The following AGTPBP1 variants were observed in gnomAD, a reference collection of about 807,000 sequenced individuals.
The protein encoded by AGTPBP1 is ATP/GTP binding carboxypeptidase 1.
AGTPBP1 carries 70 observed loss-of-function variants against 143.9 expected under a neutral mutation model. That is an observed-to-expected ratio of 0.49 (90% CI 0.40 to 0.59). The LOEUF is 0.59. Among genes scored for constraint, AGTPBP1 ranks in the 20% least tolerant of loss-of-function variants. The probability of loss-of-function intolerance (pLI) is 0.00; values close to 1 mark genes in which losing one functional copy is unlikely to be tolerated. For missense variants in AGTPBP1, 1,229 were observed against 1,464.5 expected, an observed-to-expected ratio of 0.84 and a Z score of 2.62; for synonymous variants, 463 against 500.2, an observed-to-expected ratio of 0.93 and a Z score of 0.99.
At chr9:85,699,669 T>C (rs1364259815) in intron 2 of AGTPBP1, among the ~76,000 whole-genome samples, 1 of 151,796 alleles carries the variant, frequency 6.6e-6, no homozygotes, top group East Asian at 1.9e-4. Context: ...AGTAAAACAA[T>C]TTCAAACAAT....
At chr9:85,770,754 CA>C in the AGTPBP1 span, among the ~76,000 whole-genome samples, 1 of 151,800 alleles carries the variant, frequency 6.6e-6, no homozygotes. Flanking sequence ...TTTTTAAAAC[CA>C]AAGAATTTAA....
chr9:85,776,621 G>T, the AGTPBP1 span, among the ~76,000 whole-genome samples: 3 of 152,130 alleles, frequency 2.0e-5, no homozygotes, highest in South Asian at 6.2e-4. Context: ...CATCTTGATA[G>T]TCCAGGTCAG....
chr9:85,553,418 G>T (rs763188677), intron 25 of AGTPBP1, among the ~76,000 whole-genome samples: 4 of 152,318 alleles, frequency 2.6e-5, no homozygotes, highest in Non-Finnish European at 4.4e-5. Context: ...CTTTGCCTTA[G>T]ATGATTTTGC....
At chr9:85,715,088 A>T (rs947812526) in intron 1 of AGTPBP1, among the ~76,000 whole-genome samples, 1 of 151,942 alleles carries the variant, frequency 6.6e-6, no homozygotes, top group Non-Finnish European at 1.5e-5. Flanking sequence ...CTCTATCAAA[A>T]ATACAAAAAT....
At chr9:85,748,996 A>G in the AGTPBP1 span, among the ~76,000 whole-genome samples, 2 of 107,688 alleles carry the variant, frequency 1.9e-5, no homozygotes, top group Admixed American at 8.8e-5. Flanking sequence ...TATCTAGTGC[A>G]CTTTTTTTTT....
chr9:85,766,964 C>A, the AGTPBP1 span, among the ~76,000 whole-genome samples: 1 of 150,096 alleles, frequency 6.7e-6, no homozygotes, highest in Non-Finnish European at 1.5e-5. Context: ...GATCGTTACA[C>A]TAATAGAAGA....
intron 12 of AGTPBP1, among the ~76,000 whole-genome samples, chr9:85,644,696 C>G (rs1832706865): frequency 6.6e-6 from 1 of 152,048 alleles, no homozygotes; most frequent in Admixed American, 6.6e-5. Flanking sequence ...CTTCTAGAAG[C>G]TACCAGTTTC....
chr9:85,804,837 G>A, the AGTPBP1 span, among the ~76,000 whole-genome samples: 1 of 152,188 alleles, frequency 6.6e-6, no homozygotes, highest in African/African-American at 2.4e-5. Context: ...TCTTGCTACT[G>A]GAATCTTGAC....
At position 85,741,907 on chromosome 9, in the gene AGTPBP1, G is replaced by C; in HGVS notation, c.-166C>G. On this transcript the variant is annotated 5_prime_UTR_variant, in exon 1 of 26. Transcript: ENST00000357081. ...AACCCCGGTGGCAGGCGAGGCGGAG[G>C]CGGCGGCGGCGGCAGCTGCGGCGGC... The C allele has an allele frequency of 2.5e-6, 3 of 1,202,948 alleles. No individual in the cohort carries two copies. Among genetic ancestry groups the C allele is most frequent in the Non-Finnish European group, 3.2e-6 (3 of 941,538 alleles). The allele number at this position is 1,202,948 out of a possible 1,614,324, so 74.5% of individuals were successfully genotyped here.
intron 17 of AGTPBP1, among the ~76,000 whole-genome samples, chr9:85,604,688 G>C (rs1386869202): frequency 6.6e-6 from 1 of 152,160 alleles, no homozygotes; most frequent in Non-Finnish European, 1.5e-5. Context: ...TTCAGACAGA[G>C]AATTCAAACT....
At chr9:85,773,501 T>C in the AGTPBP1 span, among the ~76,000 whole-genome samples, 1 of 150,902 alleles carries the variant, frequency 6.6e-6, no homozygotes, top group Non-Finnish European at 1.5e-5. Flanking sequence ...ACCCAGCTAA[T>C]TTTATATATA....
At chr9:85,560,212 AAATC>A (rs1826617800) in intron 25 of AGTPBP1, among the ~76,000 whole-genome samples, 1 of 152,208 alleles carries the variant, frequency 6.6e-6, no homozygotes, top group South Asian at 2.1e-4. Context: ...GAAGGAAGGG[AAATC>A]AAGGGAAAAA....
intron 15 of AGTPBP1, 49 bp downstream of exon 15, chr9:85,621,153 T>C (rs779654822): frequency 2.7e-6 from 3 of 1,098,774 alleles, no homozygotes; most frequent in Non-Finnish European, 3.7e-6. Flanking sequence ...TACTAAAATT[T>C]TATAGAAAAA....
intron 2 of AGTPBP1, among the ~76,000 whole-genome samples, chr9:85,700,942 G>A (rs553327486): frequency 6.6e-6 from 1 of 151,968 alleles, no homozygotes; most frequent in African/African-American, 2.4e-5. Flanking sequence ...TTTTGAGACA[G>A]GGTCTTGTTC....
chr9:85,633,222 T>C lies in AGTPBP1; in HGVS notation c.1455A>G (p.Gly485=). The change falls in exon 14 of 26, where the codon GGA becomes GGG. Residue 485 remains glycine, a synonymous_variant. Coordinates refer to ENST00000357081, the MANE Select transcript of AGTPBP1 (RefSeq NM_001330701.2). ...AGGTAGACTTCTTTTCACCTTCATC[T>C]CCTTTAGAAGATATGTTCTCCTTCA... ...VVMKENISSK[G]DEGEKKSTFM... is the part of the protein sequence containing the mutation. The C allele has an allele frequency of 6.2e-7, 1 of 1,613,720 alleles. No homozygotes were observed. The highest frequency in any genetic ancestry group is 1.1e-5 in the South Asian group (1 of 90,906).
chr9:85,671,007 T>TCATG (rs1834445654), intron 7 of AGTPBP1, among the ~76,000 whole-genome samples: 1 of 152,176 alleles, frequency 6.6e-6, no homozygotes, highest in African/African-American at 2.4e-5. Flanking sequence ...AGTGGTGCAG[T>TCATG]CATGGCTCAC....
At chr9:85,550,192 T>TGACAGA (rs72089458) in intron 25 of AGTPBP1, among the ~76,000 whole-genome samples, 2 of 145,256 alleles carry the variant, frequency 1.4e-5, no homozygotes, top group African/African-American at 5.2e-5. Flanking sequence ...TGTGTGTGTG[T>TGACAGA]GTGAGAGAGA....
At chr9:85,655,689 A>C (rs1333660047) in intron 10 of AGTPBP1, among the ~76,000 whole-genome samples, 1 of 83,754 alleles carries the variant, frequency 1.2e-5, no homozygotes, top group Non-Finnish European at 2.2e-5. Flanking sequence ...TAAGAAATTA[A>C]AAAACAAAAA....
chr9:85,697,238 A>G (rs1467734993), intron 2 of AGTPBP1, among the ~76,000 whole-genome samples: 4 of 152,156 alleles, frequency 2.6e-5, no homozygotes, highest in African/African-American at 9.7e-5. Context: ...GAAGCAGATA[A>G]GAGAATCTGT....
Sources: allele counts gnomAD v4.1 joint callset (sites outside exome capture counted in the v4.1 genomes callset), GRCh38; gene constraint gnomAD v4.1.1; transcripts MANE v1.5; gene names NCBI Gene and HGNC (gene_info 2026-07-23, HGNC 2026-07-21).